ZFPM2: variants seen among roughly 807,000 people sequenced by gnomAD.
ZFPM2 encodes zinc finger protein ZFPM2.
Under a neutral mutation model 98.6 loss-of-function variants are expected in ZFPM2, and 20 were observed. The observed-to-expected ratio is 0.20, with a 90% CI of 0.14 to 0.29. The LOEUF is 0.29. ZFPM2 is among the 10% of genes least tolerant of loss of function. The pLI is 1.00. For synonymous variants in ZFPM2, 518 were observed against 502.7 expected, an observed-to-expected ratio of 1.03 and a Z score of -0.41; for missense variants, 1,310 against 1,388.6, an observed-to-expected ratio of 0.94 and a Z score of 0.90.
At chr8:105,759,990 G>A (rs563855500) in intron 5 of ZFPM2, among the ~76,000 whole-genome samples, 1 of 152,198 alleles carries the variant, frequency 6.6e-6, no homozygotes, top group South Asian at 2.1e-4. Context: ...CAGTAGATTA[G>A]GTTAATTCAG....
intron 5 of ZFPM2, among the ~76,000 whole-genome samples, chr8:105,776,588 G>A (rs1813110861): frequency 6.6e-6 from 1 of 152,080 alleles, no homozygotes; most frequent in Admixed American, 6.6e-5. Flanking sequence ...TTATTCATAG[G>A]CTATAAACAA....
At chr8:105,452,733 C>G (rs1395170348) in intron 3 of ZFPM2, among the ~76,000 whole-genome samples, 1 of 152,096 alleles carries the variant, frequency 6.6e-6, no homozygotes, top group Non-Finnish European at 1.5e-5. Flanking sequence ...GCCTGAGCAA[C>G]AGAATGAGAC....
chr8:105,741,718 G>C (rs1322462638), intron 5 of ZFPM2, among the ~76,000 whole-genome samples: 1 of 152,000 alleles, frequency 6.6e-6, no homozygotes, highest in Non-Finnish European at 1.5e-5. Flanking sequence ...ATGTATGATT[G>C]CTGGAAAACA....
At chr8:105,380,666 A>AC (rs1472878840) in intron 1 of ZFPM2, among the ~76,000 whole-genome samples, 2 of 23,844 alleles carry the variant, frequency 8.4e-5, no homozygotes, top group African/African-American at 2.2e-4. Flanking sequence ...TATTATATAT[A>AC]ACATATATAT....
At chr8:105,650,417 A>G (rs1255369522) in intron 5 of ZFPM2, among the ~76,000 whole-genome samples, 1 of 152,070 alleles carries the variant, frequency 6.6e-6, no homozygotes, top group African/African-American at 2.4e-5. Flanking sequence ...GCCTTCTGCT[A>G]GCTTTTGAAT....
At chr8:105,768,483 C>G (rs967164869) in intron 5 of ZFPM2, among the ~76,000 whole-genome samples, 5 of 151,912 alleles carry the variant, frequency 3.3e-5, no homozygotes, top group African/African-American at 4.8e-5. Context: ...GAATTACACT[C>G]CATCATCAAA....
intron 3 of ZFPM2, among the ~76,000 whole-genome samples, chr8:105,495,928 C>G (rs1813457021): frequency 6.6e-6 from 1 of 152,084 alleles, no homozygotes; most frequent in South Asian, 2.1e-4. Flanking sequence ...AGAAAAGTAG[C>G]AAAAATAGTA....
chr8:105,619,480 A>G lies in ZFPM2; in HGVS notation c.421-14766A>G, dbSNP rs1465431848. 2.6e-5 allele frequency among the ~76,000 whole-genome samples: 4 copies of G among 152,110 alleles called. No homozygotes were observed. The East Asian group carries it at 5.8e-4, about 22-fold the overall frequency. On this transcript the variant is annotated intron_variant, in intron 4 of 7. Transcript: ENST00000407775. ...ATAACCTATAAATGTTACTGAATAA[A>G]TAATGAATATACTTAATTTATTTAA...
chr8:105,660,016 A>C (rs1817357622), intron 5 of ZFPM2, among the ~76,000 whole-genome samples: 1 of 152,224 alleles, frequency 6.6e-6, no homozygotes, highest in Non-Finnish European at 1.5e-5. Flanking sequence ...AAAGAGTTTG[A>C]AAAAGAAAGA....
At chr8:105,352,297 A>G (rs1812663747) in intron 1 of ZFPM2, among the ~76,000 whole-genome samples, 1 of 152,228 alleles carries the variant, frequency 6.6e-6, no homozygotes, top group Non-Finnish European at 1.5e-5. Context: ...TAAATACCGA[A>G]TTAAAATATC....
intron 5 of ZFPM2, among the ~76,000 whole-genome samples, chr8:105,774,845 C>A (rs1194370470): frequency 6.6e-6 from 1 of 151,986 alleles, no homozygotes; most frequent in Non-Finnish European, 1.5e-5. Flanking sequence ...GCTGTTTGAA[C>A]TTACTGATGC....
chr8:105,468,647 A>T (rs1353757347), intron 3 of ZFPM2, among the ~76,000 whole-genome samples: 1 of 151,992 alleles, frequency 6.6e-6, no homozygotes, highest in Non-Finnish European at 1.5e-5. Flanking sequence ...GATAGTCTTT[A>T]TGCCCTATAC....
At chr8:105,413,500 A>ATC (rs1220661047) in intron 1 of ZFPM2, among the ~76,000 whole-genome samples, 1 of 139,886 alleles carries the variant, frequency 7.1e-6, no homozygotes. Context: ...ATATATATAT[A>ATC]TATATATACA....
At chr8:105,684,056 A>G (rs1040973171) in intron 5 of ZFPM2, among the ~76,000 whole-genome samples, 2 of 152,182 alleles carry the variant, frequency 1.3e-5, no homozygotes, top group Non-Finnish European at 2.9e-5. Flanking sequence ...CACAGCACAC[A>G]TCTAAACCTT....
At chr8:105,611,111 C>T (rs1435454881) in intron 4 of ZFPM2, among the ~76,000 whole-genome samples, 2 of 152,162 alleles carry the variant, frequency 1.3e-5, no homozygotes, top group East Asian at 1.9e-4. Flanking sequence ...TATTTACAGA[C>T]AGCTCCTGAC....
At chr8:105,386,192 A>T (rs1408403770) in intron 1 of ZFPM2, among the ~76,000 whole-genome samples, 1 of 152,242 alleles carries the variant, frequency 6.6e-6, no homozygotes, top group East Asian at 1.9e-4. Context: ...GATATAACTC[A>T]TGAAGAGCCC....
At chr8:105,694,608 A>T (rs567895001) in intron 5 of ZFPM2, among the ~76,000 whole-genome samples, 17 of 152,192 alleles carry the variant, frequency 1.1e-4, no homozygotes, top group Non-Finnish European at 1.9e-4. Flanking sequence ...AAGTTGATGA[A>T]CAATCAATTC....
intron 5 of ZFPM2, among the ~76,000 whole-genome samples, chr8:105,688,841 A>G (rs186340805): frequency 6.6e-6 from 1 of 152,274 alleles, no homozygotes; most frequent in East Asian, 1.9e-4. Context: ...TCTATTATGT[A>G]CATAGTAAGC....
chr8:105,346,884 G>C (rs1358640934), intron 1 of ZFPM2, among the ~76,000 whole-genome samples: 1 of 152,134 alleles, frequency 6.6e-6, no homozygotes, highest in Non-Finnish European at 1.5e-5. Flanking sequence ...GCTACAAATA[G>C]CTCTGGCACA....
Sources: allele counts gnomAD v4.1 joint callset (sites outside exome capture counted in the v4.1 genomes callset), GRCh38; gene constraint gnomAD v4.1.1; transcripts MANE v1.5; gene names NCBI Gene and HGNC (gene_info 2026-07-23, HGNC 2026-07-21).